The following TCF3 variants were observed in gnomAD, a reference collection of about 807,000 sequenced individuals.
TCF3 encodes transcription factor 3.
Under a neutral mutation model 72.3 loss-of-function variants are expected in TCF3, and 54 were observed. That is an observed-to-expected ratio of 0.75 (90% confidence interval 0.60 to 0.94). The LOEUF (loss-of-function observed/expected upper bound fraction) is 0.94. Among genes scored for constraint, TCF3 ranks in the 40% least tolerant of loss-of-function variants. The pLI is 0.00. For synonymous variants in TCF3, 525 were observed against 412.6 expected, an observed-to-expected ratio of 1.27 and a Z score of -3.30; for missense variants, 1,078 against 934.4, an observed-to-expected ratio of 1.15 and a Z score of -2.00.
At chr19:1,646,882 C>T (rs747114375) in intron 2 of TCF3, among the ~76,000 whole-genome samples, 10 of 152,270 alleles carry the variant, frequency 6.6e-5, no homozygotes, top group Non-Finnish European at 1.5e-4. Flanking sequence ...TGCCTGAGCC[C>T]TGGCTGACTC....
intron 7 of TCF3, among the ~76,000 whole-genome samples, chr19:1,624,260 G>C (rs2062611440): frequency 6.6e-6 from 1 of 152,264 alleles, no homozygotes; most frequent in African/African-American, 2.4e-5. Flanking sequence ...GCCGGGCGTG[G>C]TGGCGGGTGC....
intron 3 of TCF3, among the ~76,000 whole-genome samples, chr19:1,641,129 T>G (rs1435917697): frequency 7.6e-6 from 1 of 132,036 alleles, no homozygotes; most frequent in Non-Finnish European, 1.5e-5. Context: ...GCCACTGCAC[T>G]CCAGCCTGGG....
At chr19:1,646,584 G>C (rs1484156637) in intron 2 of TCF3, among the ~76,000 whole-genome samples, 157 bp from the exon 3 acceptor site, 2 of 152,134 alleles carry the variant, frequency 1.3e-5, no homozygotes, top group South Asian at 2.1e-4. Flanking sequence ...CCCCATCACA[G>C]ACCAGAAGAC....
chr19:1,649,798 C>T (rs975866672), intron 2 of TCF3, among the ~76,000 whole-genome samples: 1 of 152,114 alleles, frequency 6.6e-6, no homozygotes, highest in Non-Finnish European at 1.5e-5. Context: ...CTTTTACTTA[C>T]TTTTAATTTT....
chr19:1,625,613 G>T lies in TCF3; in HGVS notation c.462C>A (p.Ser154=). ...CTGCCGCTCTCCGCCGGGAGCTGCCGGAGTAGGAGGGGTAGTACTGGGAGG... is the reference window on the plus strand; with the variant it reads ...CTGCCGCTCTCCGCCGGGAGCTGCCTGAGTAGGAGGGGTAGTACTGGGAGG... The part of the protein sequence containing the change: ...KGTSQYYPSY[S]GSSRRRAADG... Residue 154 remains serine, a synonymous_variant, in exon 7 of 19, where the codon TCC becomes TCA. Coordinates refer to ENST00000262965, the MANE Select transcript of TCF3 (RefSeq NM_003200.5). 2 of 1,582,714 alleles carry T rather than the reference G, an allele frequency of 1.3e-6. No individual in the cohort carries two copies. Among genetic ancestry groups the T allele is most frequent in the East Asian group, 2.4e-5 (1 of 40,970 alleles).
chr19:1,619,881 G>A lies in TCF3; in HGVS notation c.1094-28C>T, dbSNP rs777789103. On this transcript the variant is annotated intron_variant, in intron 13 of 18. Transcript: ENST00000262965. The stretch of plus-strand genomic sequence containing the variant: ...GGAAGGGAGTGGGGACGTGAATGGG[G>A]TGCGAGGGGCGGGGTGTGAGCATGG... The A allele has an allele frequency of 1.9e-6, 3 of 1,548,962 alleles. No homozygotes were observed. In the South Asian group the frequency reaches 3.6e-5, roughly 18 times the overall value.
intron 5 of TCF3, among the ~76,000 whole-genome samples, chr19:1,631,046 G>A (rs2063656174): frequency 6.6e-6 from 1 of 152,214 alleles, no homozygotes; most frequent in Non-Finnish European, 1.5e-5. Context: ...TTCCCCTGCA[G>A]CACGGGTGAG....
chr19:1,651,989 G>A (rs1324841184), intron 1 of TCF3, among the ~76,000 whole-genome samples: 1 of 150,368 alleles, frequency 6.7e-6, no homozygotes, highest in African/African-American at 2.4e-5. Flanking sequence ...CGGTCCTCGC[G>A]CCTAAGTTGC....
Position 1,619,191 on chromosome 19 carries a change from C to A in TCF3, c.1370G>T (p.Ser457Ile). 6.3e-7 allele frequency: 1 copy of A among 1,599,968 alleles called. No individual in the cohort carries two copies. Among genetic ancestry groups the A allele is most frequent in the South Asian group, 1.1e-5 (1 of 90,990 alleles). Residue 457 changes from serine to isoleucine, a missense_variant, in exon 16 of 19, where the codon AGC (serine) becomes ATC (isoleucine). Physicochemically the swap from Ser to Ile is moderately radical, Grantham distance 142. Coordinates refer to ENST00000262965, the MANE Select transcript of TCF3 (RefSeq NM_003200.5). ...HPEDGLAGST[S>I]LMHNHAALPS... ...GAGGGCCGCGTGGTTGTGCATGAGGCTGGTGCTGCCTGCGAGGCCGTCCTC... is the reference window on the plus strand; with the variant it reads ...GAGGGCCGCGTGGTTGTGCATGAGGATGGTGCTGCCTGCGAGGCCGTCCTC...
At chr19:1,636,271 C>T (rs1486321162) in intron 3 of TCF3, among the ~76,000 whole-genome samples, 3 of 151,990 alleles carry the variant, frequency 2.0e-5, no homozygotes, top group African/African-American at 2.4e-5. Flanking sequence ...GTGATTTTCC[C>T]GCCTCAGCCT....
rs1052918 is a variant in TCF3 at position 1,609,670 on chromosome 19, T to A, written c.*2037A>T. 4.5e-6 allele frequency: 1 copy of A among 222,456 alleles called. No homozygotes were observed. The highest frequency in any genetic ancestry group is 2.3e-5 in the African/African-American group (1 of 43,884). The allele number at this position is 222,456 out of a possible 1,614,324, so 13.8% of individuals were successfully genotyped here. A position where few individuals can be genotyped will look rare whatever the true frequency, so the allele number is the denominator to read the frequency against. ...CTTAAGAGATCAAACTCCCAGGGCG[T>A]AGGGGAAGCCACCGAGAAGGGAGAG... On this transcript the variant is annotated 3_prime_UTR_variant, in exon 19 of 19. Transcript: ENST00000262965.
rs890865021 is a variant in TCF3, at chr19:1,611,034, G to A, written c.*673C>T. 3 of 225,244 alleles carry A rather than the reference G, an allele frequency of 1.3e-5. No individual in the cohort carries two copies. The highest frequency in any genetic ancestry group is 5.9e-5 in the Admixed American group (1 of 16,998). 14.0% of individuals were successfully genotyped at this position (225,244 alleles called of 1,614,324 possible). ...AATGCTCAGTCTAGGAACAGCAGCA[G>A]AAATAGCGAGAGACACGGGACTTTT... On this transcript the variant is annotated 3_prime_UTR_variant, in exon 19 of 19. Transcript: ENST00000262965.
intron 11 of TCF3, 142 bp from the exon 12 acceptor site, chr19:1,621,333 C>A: frequency 9.6e-7 from 1 of 1,040,542 alleles, no homozygotes; most frequent in Non-Finnish European, 1.4e-6. Context: ...TCTGTCTGAC[C>A]CCCTGAAACC....
At chr19:1,627,507 C>T (rs559242236) in intron 5 of TCF3, 81 bp from the exon 6 acceptor site, 4 of 1,286,350 alleles carry the variant, frequency 3.1e-6, no homozygotes, top group South Asian at 2.5e-5. Context: ...CATGTGCCTA[C>T]AATAGGCTCT....
At chr19:1,632,226 C>G in intron 4 of TCF3, 106 bp downstream of exon 4, 1 of 1,546,826 alleles carries the variant, frequency 6.5e-7, no homozygotes. Flanking sequence ...CCAGTCCAAA[C>G]CCCTGGAAGG....
rs773813852 is a variant in TCF3 at position 1,625,721 on chromosome 19, G to A, written c.367-13C>T. The A allele has an allele frequency of 1.2e-4, 185 of 1,490,386 alleles. No homozygotes were observed. In the South Asian group the frequency reaches 1.5e-3, roughly 12 times the overall value. 92.3% of individuals were successfully genotyped at this position (1,490,386 alleles called of 1,614,324 possible). A position where few individuals can be genotyped will look rare whatever the true frequency, so the allele number is the denominator to read the frequency against. The stretch of plus-strand genomic sequence containing the variant: ...ACAGGAAGCCAGCCTGGTGGGGAGC[G>A]GATGGTCAGAAAGCGCCCAGCTGGC... On this transcript the variant is annotated splice_polypyrimidine_tract_variant and intron_variant, in intron 6 of 18. Transcript: ENST00000262965.
chr19:1,642,068 G>A (rs929969271), intron 3 of TCF3, among the ~76,000 whole-genome samples: 78 of 151,114 alleles, frequency 5.2e-4, no homozygotes, highest in Admixed American at 2.9e-3. Flanking sequence ...TCGTACAGAT[G>A]AAGAACAGAT....
At chr19:1,619,722 G>A (rs2061944435) in intron 14 of TCF3, 58 bp downstream of exon 14, 1 of 1,402,366 alleles carries the variant, frequency 7.1e-7, no homozygotes, top group Non-Finnish European at 9.7e-7. Context: ...TTCTCAAGGA[G>A]CGTCTGTCCT....
rs2062131470 is a variant in TCF3 at position 1,620,977 on chromosome 19, C to T, written c.1084G>A (p.Gly362Ser). ...SPSTPVGSPQ[G>S]LAGTSQWPRA... ...CAAAACCCTCACAGACCTGCCAGGC[C>T]CTGGGGGGAGCCCACGGGGGTAGAA... Residue 362 changes from glycine to serine, a missense_variant, in exon 13 of 19, where the codon GGC (glycine) becomes AGC (serine). Physicochemically the swap from Gly to Ser is moderately conservative, Grantham distance 56. Transcript: ENST00000262965. The T allele has an allele frequency of 6.6e-7, 1 of 1,511,112 alleles. No homozygotes were observed. Among genetic ancestry groups the T allele is most frequent in the Non-Finnish European group, 8.8e-7 (1 of 1,131,364 alleles). 93.6% of individuals were successfully genotyped at this position (1,511,112 alleles called of 1,614,324 possible). A position where few individuals can be genotyped will look rare whatever the true frequency, so the allele number is the denominator to read the frequency against.
Sources: allele counts gnomAD v4.1 joint callset (sites outside exome capture counted in the v4.1 genomes callset), GRCh38; gene constraint gnomAD v4.1.1; transcripts MANE v1.5; gene names NCBI Gene and HGNC (gene_info 2026-07-23, HGNC 2026-07-21).